The following GPC6 variants were observed in gnomAD, a reference collection of about 807,000 sequenced individuals.
GPC6 encodes glypican-6.
In GPC6, 14 loss-of-function variants were observed where a neutral mutation model predicts 55.2. The ratio of observed to expected loss-of-function variants is 0.25; its 90% CI spans 0.17 to 0.40. The LOEUF (loss-of-function observed/expected upper bound fraction) is 0.40. GPC6 is among the 10% of genes least tolerant of loss of function. GPC6 has a pLI of 1.00. For missense variants in GPC6, 641 were observed against 708.5 expected, an observed-to-expected ratio of 0.90 and a Z score of 1.08; for synonymous variants, 278 against 259.6, an observed-to-expected ratio of 1.07 and a Z score of -0.68.
At chr13:94,192,654 T>A (rs1350722689) in intron 4 of GPC6, among the ~76,000 whole-genome samples, 1 of 152,220 alleles carries the variant, frequency 6.6e-6, no homozygotes, top group Non-Finnish European at 1.5e-5. Context: ...TACACTTGTA[T>A]GCAGAGAAAG....
At position 93,747,376 on chromosome 13, in the gene GPC6, A is replaced by T. The variant is rs375742240; in HGVS notation, c.320-82778A>T. Among the ~76,000 whole-genome samples, 25 of 152,294 alleles carry T rather than the reference A, an allele frequency of 1.6e-4. No homozygotes were observed. The East Asian group carries it at 4.5e-3, about 27-fold the overall frequency. On this transcript the variant is annotated intron_variant, in intron 2 of 8. Transcript: ENST00000377047. The stretch of plus-strand genomic sequence containing the variant: ...ATGAAAAGAAGAGACTGTACAGTCA[A>T]ACCTAGTATCTTCCTGAAACACACT...
At position 93,268,320 on chromosome 13, in the gene GPC6, C is replaced by T. The variant is rs76533638; in HGVS notation, c.160+40704C>T. 1.7e-3 allele frequency among the ~76,000 whole-genome samples: 251 copies of T among 152,098 alleles called. 2 individuals carry two copies. In the East Asian group the frequency reaches 0.019, roughly 11 times the overall value. The stretch of plus-strand genomic sequence containing the variant: ...TGTTTACAGGTGTGTTGATCTGTAA[C>T]GAAAACTCTGCCCAGTTCATATAGA... On this transcript the variant is annotated intron_variant, in intron 1 of 8. Coordinates refer to ENST00000377047, the MANE Select transcript of GPC6 (RefSeq NM_005708.5).
chr13:93,449,924 T>TC (rs1402415600), intron 1 of GPC6, among the ~76,000 whole-genome samples: 1 of 143,096 alleles, frequency 7.0e-6, no homozygotes, highest in East Asian at 2.0e-4. Context: ...CATGTTCCAC[T>TC]CTTTTTTTTT....
intron 2 of GPC6, among the ~76,000 whole-genome samples, chr13:93,548,548 C>T (rs1003280757): frequency 4.6e-5 from 7 of 152,092 alleles, no homozygotes; most frequent in Non-Finnish European, 7.4e-5. Context: ...GATTCCAATA[C>T]GGTTAACTTA....
At chr13:93,688,164 G>A (rs1450598858) in intron 2 of GPC6, among the ~76,000 whole-genome samples, 1 of 152,040 alleles carries the variant, frequency 6.6e-6, no homozygotes, top group Admixed American at 6.6e-5. Flanking sequence ...AGATAACTTT[G>A]TTTTGATAGG....
At chr13:94,271,428 C>CAGTGATGA (rs1281866128) in intron 4 of GPC6, among the ~76,000 whole-genome samples, 4 of 151,708 alleles carry the variant, frequency 2.6e-5, no homozygotes, top group Non-Finnish European at 5.9e-5. Flanking sequence ...GCCCACTTCT[C>CAGTGATGA]TGAGACTTCT....
intron 4 of GPC6, among the ~76,000 whole-genome samples, chr13:94,218,044 T>C (rs965844561): frequency 1.3e-5 from 2 of 152,192 alleles, no homozygotes; most frequent in Non-Finnish European, 2.9e-5. Flanking sequence ...TGGTTCTATA[T>C]TGAATTTTAA....
chr13:93,509,296 A>G (rs1182839535), intron 1 of GPC6, among the ~76,000 whole-genome samples: 1 of 152,212 alleles, frequency 6.6e-6, no homozygotes, highest in East Asian at 1.9e-4. Context: ...TCCAAAATGA[A>G]TTACATTCTC....
chr13:93,546,393 G>A (rs1199388258), intron 2 of GPC6, among the ~76,000 whole-genome samples: 1 of 152,132 alleles, frequency 6.6e-6, no homozygotes, highest in Non-Finnish European at 1.5e-5. Flanking sequence ...TTTTATTGCT[G>A]TTTTAAACTA....
At position 93,950,006 on chromosome 13, in the gene GPC6, G is replaced by A. The variant is rs558052721; in HGVS notation, c.712-77723G>A. Among the ~76,000 whole-genome samples, 14 of 152,270 alleles carry A rather than the reference G, an allele frequency of 9.2e-5. 1 individual carries two copies. The South Asian group carries it at 2.3e-3, about 25-fold the overall frequency. On this transcript the variant is annotated intron_variant, in intron 3 of 8. Transcript: ENST00000377047. ...GCCTCCCAAAGTGGACTACAGACAT[G>A]AGCCGCTGCACCCAGCCTGCTTTTT...
chr13:94,148,361 T>C (rs1251375768), intron 4 of GPC6, among the ~76,000 whole-genome samples: 2 of 152,154 alleles, frequency 1.3e-5, no homozygotes, highest in Non-Finnish European at 2.9e-5. Flanking sequence ...GATATTTGCT[T>C]ATTAAATGAT....
intron 4 of GPC6, among the ~76,000 whole-genome samples, chr13:94,224,510 A>C (rs1890486572): frequency 6.6e-6 from 1 of 151,878 alleles, no homozygotes; most frequent in African/African-American, 2.4e-5. Flanking sequence ...GGTGCCCTTT[A>C]AAGATTATTT....
At chr13:93,664,594 C>T (rs760867922) in intron 2 of GPC6, among the ~76,000 whole-genome samples, 2 of 150,372 alleles carry the variant, frequency 1.3e-5, no homozygotes, top group African/African-American at 2.4e-5. Context: ...CTTCAGGAAG[C>T]ATACTCTGCA....
chr13:94,402,790 G>A (rs72636613), intron 8 of GPC6, among the ~76,000 whole-genome samples: 2,920 of 152,214 alleles, frequency 0.019, 55 homozygotes, highest in Middle Eastern at 0.071. Flanking sequence ...GTGCCAAGCC[G>A]TGGGGGAAGA....
At chr13:93,932,199 G>A (rs1345035501) in intron 3 of GPC6, among the ~76,000 whole-genome samples, 1 of 152,126 alleles carries the variant, frequency 6.6e-6, no homozygotes, top group Non-Finnish European at 1.5e-5. Flanking sequence ...TGATTGCAAG[G>A]CTAAATTTTG....
At chr13:93,458,592 A>T (rs1428198433) in intron 1 of GPC6, among the ~76,000 whole-genome samples, 2 of 152,208 alleles carry the variant, frequency 1.3e-5, no homozygotes, top group Non-Finnish European at 2.9e-5. Flanking sequence ...TAATGTCTTA[A>T]TGATGGAACG....
intron 1 of GPC6, among the ~76,000 whole-genome samples, chr13:93,289,774 G>T (rs777835555): frequency 9.2e-5 from 14 of 152,098 alleles, no homozygotes; most frequent in Non-Finnish European, 2.1e-4. Context: ...TTTGTTTATT[G>T]TATACAGCTG....
At chr13:93,433,725 C>A (rs185587683) in intron 1 of GPC6, among the ~76,000 whole-genome samples, 36 of 152,212 alleles carry the variant, frequency 2.4e-4, no homozygotes, top group African/African-American at 7.7e-4. Context: ...GAGAGATTTT[C>A]CAGGGGCTGC....
chr13:93,388,936 G>A (rs1044081622), intron 1 of GPC6, among the ~76,000 whole-genome samples: 3 of 152,110 alleles, frequency 2.0e-5, no homozygotes, highest in Non-Finnish European at 4.4e-5. Context: ...GGTTAAACCA[G>A]TGATTCATAC....
Sources: gnomAD v4.1 joint callset for allele counts (sites outside exome capture counted in the v4.1 genomes callset) on GRCh38, gnomAD v4.1.1 for gene constraint, MANE v1.5 for transcripts, NCBI Gene and HGNC (gene_info 2026-07-23, HGNC 2026-07-21) for gene names.